Variants in GSK3B observed in about 807,000 individuals in gnomAD.
GSK3B encodes glycogen synthase kinase 3 beta.
In GSK3B, 15 loss-of-function variants were observed where a neutral mutation model predicts 56.4. That is an observed-to-expected ratio of 0.27 (90% CI 0.18 to 0.41). GSK3B has a LOEUF of 0.41. Among genes scored for constraint, GSK3B ranks in the 10% least tolerant of loss-of-function variants. The pLI is 1.00. For missense variants in GSK3B, 300 were observed against 513.4 expected, an observed-to-expected ratio of 0.58 and a Z score of 4.02; for synonymous variants, 181 against 188.9, an observed-to-expected ratio of 0.96 and a Z score of 0.34.
chr3:120,093,259 G>A (rs1408134737), intron 1 of GSK3B, 88 bp downstream of exon 1: 1 of 866,546 alleles, frequency 1.2e-6, no homozygotes, highest in Non-Finnish European at 1.9e-6. Context: ...TTTATCAGGA[G>A]GTCTAATAAT....
intron 3 of GSK3B, among the ~76,000 whole-genome samples, chr3:119,925,221 T>C (rs2107467853): frequency 6.6e-6 from 1 of 152,214 alleles, no homozygotes. Flanking sequence ...CCCAGTTACT[T>C]GGGAGAAGGA....
chr3:119,895,575 A>G (rs965337096), intron 7 of GSK3B, among the ~76,000 whole-genome samples: 1 of 152,176 alleles, frequency 6.6e-6, no homozygotes, highest in African/African-American at 2.4e-5. Context: ...CACAAGCTAT[A>G]TAATTTTTGT....
At chr3:119,868,155 A>G (rs1432591477) in intron 8 of GSK3B, among the ~76,000 whole-genome samples, 2 of 152,034 alleles carry the variant, frequency 1.3e-5, no homozygotes, top group African/African-American at 4.8e-5. Context: ...AAAGAAAGAA[A>G]AGAGAAAGGA....
rs1371764974 is a variant in GSK3B at position 119,912,793 on chromosome 3, C to T, written c.626G>A (p.Arg209Gln). The T allele has an allele frequency of 4.4e-6, 7 of 1,584,136 alleles. No homozygotes were observed. Among genetic ancestry groups the T allele is most frequent in the Admixed American group, 1.7e-5 (1 of 59,750 alleles). The change falls in exon 6 of 11, where the codon CGA becomes CAA. Residue 209 changes from arginine (R) to glutamine (Q), a missense_variant. Arg to Gln is a conservative substitution (Grantham distance 43). Around this residue, in one of 6 missense-constraint regions of GSK3B, gnomAD observed 39 missense variants for 154.6 expected, o/e 0.25. Transcript: ENST00000264235. The part of the protein sequence containing the change: ...CDFGSAKQLV[R>Q]GEPNVSYICS... ...GATATACGAAACATTGGGTTCTCCT[C>T]GGACCAGCTGCTTTGCACTAACAGA...
chr3:119,862,301 A>C (rs961516170), intron 9 of GSK3B, among the ~76,000 whole-genome samples: 8 of 131,310 alleles, frequency 6.1e-5, no homozygotes, highest in Admixed American at 8.2e-5. Flanking sequence ...GCATATTCTC[A>C]CTCATAGGTG....
intron 6 of GSK3B, among the ~76,000 whole-genome samples, chr3:119,911,117 C>A (rs1450237856): frequency 6.6e-6 from 1 of 152,140 alleles, no homozygotes; most frequent in Non-Finnish European, 1.5e-5. Flanking sequence ...AATGGTGAAT[C>A]CTTTCCAGAA....
At chr3:119,923,747 T>C (rs1236780220) in intron 3 of GSK3B, among the ~76,000 whole-genome samples, 1 of 152,240 alleles carries the variant, frequency 6.6e-6, no homozygotes, top group East Asian at 1.9e-4. Flanking sequence ...ACGATTATTT[T>C]GGTTACCATG....
At chr3:120,025,068 T>A (rs1361567067) in intron 1 of GSK3B, among the ~76,000 whole-genome samples, 1 of 152,066 alleles carries the variant, frequency 6.6e-6, no homozygotes, top group African/African-American at 2.4e-5. Flanking sequence ...ATAGTAAGAT[T>A]CTTCTGGGGG....
rs66880409 is a variant in GSK3B at position 119,875,498 on chromosome 3, G to GAC, written c.909+913_909+914dup. The stretch of plus-strand genomic sequence containing the variant: ...ATAAAGTCGATCATTGGTAACCCGT[G>GAC]ACACACACACACACACACACACACA... On this transcript the variant is annotated intron_variant, in intron 8 of 10. Transcript: ENST00000264235. Among the ~76,000 whole-genome samples, 1,213 of 144,960 alleles carry GAC rather than the reference G, an allele frequency of 8.4e-3. 9 individuals carry two copies. Among genetic ancestry groups the GAC allele is most frequent in the African/African-American group, 0.011 (422 of 38,274 alleles).
At chr3:119,942,306 T>TTTATTTTTTGAGACGG (rs1410653617) in intron 3 of GSK3B, among the ~76,000 whole-genome samples, 19 of 152,168 alleles carry the variant, frequency 1.2e-4, no homozygotes, top group Admixed American at 1.2e-3. Context: ...ATTTTTATTT[T>TTTATTTTTTGAGACGG]TTATTTTTTG....
intron 1 of GSK3B, among the ~76,000 whole-genome samples, chr3:120,009,211 T>C (rs1307313766): frequency 1.3e-5 from 2 of 152,078 alleles, no homozygotes; most frequent in South Asian, 2.1e-4. Flanking sequence ...TGTGGAAAAA[T>C]AGGAACACTT....
At chr3:119,925,370 A>G (rs905581800) in intron 3 of GSK3B, among the ~76,000 whole-genome samples, 2 of 152,158 alleles carry the variant, frequency 1.3e-5, no homozygotes, top group African/African-American at 4.8e-5. Flanking sequence ...TTCCTGGTCC[A>G]TTCACTTTTC....
At chr3:119,951,385 A>T (rs756090153) in intron 2 of GSK3B, among the ~76,000 whole-genome samples, 5 of 152,248 alleles carry the variant, frequency 3.3e-5, no homozygotes, top group Non-Finnish European at 7.3e-5. Flanking sequence ...CAGCCTGACC[A>T]GCATGGTGAA....
At chr3:119,965,043 T>C (rs954907140) in intron 2 of GSK3B, among the ~76,000 whole-genome samples, 4 of 149,336 alleles carry the variant, frequency 2.7e-5, no homozygotes, top group South Asian at 2.1e-4. Flanking sequence ...GTTTTCTTTT[T>C]TTTTTTTTTT....
chr3:119,885,441 C>A (rs558165903), intron 7 of GSK3B, among the ~76,000 whole-genome samples: 2 of 152,128 alleles, frequency 1.3e-5, no homozygotes, highest in East Asian at 3.9e-4. Context: ...GGCCATACTG[C>A]CCAAAGCATT....
chr3:120,079,338 ACACACACACACAT>A (rs1407495717), intron 1 of GSK3B, among the ~76,000 whole-genome samples: 2 of 138,572 alleles, frequency 1.4e-5, no homozygotes, highest in African/African-American at 5.4e-5. Flanking sequence ...ACACACACAC[ACACACACACACAT>A]TTTTTTTTTT....
At chr3:119,882,128 C>T (rs2056385607) in intron 7 of GSK3B, among the ~76,000 whole-genome samples, 1 of 151,360 alleles carries the variant, frequency 6.6e-6, no homozygotes, top group Non-Finnish European at 1.5e-5. Context: ...TCAGGATGTT[C>T]CCTGAAATGA....
intron 7 of GSK3B, among the ~76,000 whole-genome samples, chr3:119,887,633 T>C (rs1286455752): frequency 6.6e-6 from 1 of 152,060 alleles, no homozygotes; most frequent in Non-Finnish European, 1.5e-5. Flanking sequence ...ACATGTGACT[T>C]GAGTCTGATG....
chr3:119,988,191 A>G (rs1428276506), intron 2 of GSK3B, among the ~76,000 whole-genome samples: 1 of 152,234 alleles, frequency 6.6e-6, no homozygotes, highest in Admixed American at 6.5e-5. Context: ...ATTGAGCATG[A>G]CAGGAATTAA....
Sources: gnomAD v4.1 joint callset for allele counts (sites outside exome capture counted in the v4.1 genomes callset) on GRCh38, gnomAD v4.1.1 for gene constraint, gnomAD v4.1.1 regional missense constraint, MANE v1.5 for transcripts, NCBI Gene and HGNC (gene_info 2026-07-23, HGNC 2026-07-21) for gene names.